Variants in AKAP13 observed in about 807,000 individuals in gnomAD.
AKAP13 encodes A-kinase anchoring protein 13.
In AKAP13, 80 loss-of-function variants were observed where a neutral mutation model predicts 264.5. That is an observed-to-expected ratio of 0.30 (90% confidence interval 0.25 to 0.36). The LOEUF is 0.36. Ranked by LOEUF, AKAP13 falls within the 10% of genes least tolerant of loss-of-function variation. The pLI, the probability that AKAP13 is intolerant of heterozygous loss-of-function variation, is 1.00. For missense variants in AKAP13, 3,712 were observed against 3,435.2 expected, an observed-to-expected ratio of 1.08 and a Z score of -2.01; for synonymous variants, 1,380 against 1,250.2, an observed-to-expected ratio of 1.10 and a Z score of -2.19.
Position 85,684,882 on chromosome 15 carries a change from C to G in AKAP13, c.5289+9C>G. 7 of 1,613,110 alleles carry G rather than the reference C, an allele frequency of 4.3e-6. No homozygotes were observed. The highest frequency in any genetic ancestry group is 5.9e-6 in the Non-Finnish European group (7 of 1,179,674). On this transcript the variant is annotated intron_variant, in intron 16 of 36. Coordinates refer to ENST00000394518, the MANE Select transcript of AKAP13 (RefSeq NM_007200.5). ...GCAGCAAGAAGAGCAAAGTGAGTATCACTGTGGGCATTGCTTGTGATCACC... is the reference window on the plus strand; with the variant it reads ...GCAGCAAGAAGAGCAAAGTGAGTATGACTGTGGGCATTGCTTGTGATCACC...
intron 9 of AKAP13, 127 bp downstream of exon 9, chr15:85,639,576 G>C: frequency 1.4e-6 from 1 of 703,064 alleles, no homozygotes. Flanking sequence ...ATGTGATCTG[G>C]GTTTGTAGGC....
chr15:85,531,948 A>G (rs915420088), intron 3 of AKAP13, among the ~76,000 whole-genome samples: 2 of 152,248 alleles, frequency 1.3e-5, no homozygotes, highest in Non-Finnish European at 2.9e-5. Flanking sequence ...AATGTGATAC[A>G]AAACCCTTGC....
At chr15:85,661,025 C>T (rs1308940217) in intron 12 of AKAP13, among the ~76,000 whole-genome samples, 3 of 152,150 alleles carry the variant, frequency 2.0e-5, no homozygotes, top group East Asian at 1.9e-4. Flanking sequence ...TGGAGGGAGC[C>T]GAGTGGTTTT....
At chr15:85,537,275 A>C (rs2077433519) in intron 4 of AKAP13, among the ~76,000 whole-genome samples, 1 of 152,166 alleles carries the variant, frequency 6.6e-6, no homozygotes, top group South Asian at 2.1e-4. Flanking sequence ...AAATACTTTT[A>C]AATAGGTATT....
At chr15:85,507,396 A>AAAC (rs1819806090) in intron 2 of AKAP13, among the ~76,000 whole-genome samples, 1 of 152,026 alleles carries the variant, frequency 6.6e-6, no homozygotes, top group Non-Finnish European at 1.5e-5. Context: ...AAAAAAAAAA[A>AAAC]ACATAAGAAA....
chr15:85,470,529 T>A (rs1220277855), intron 1 of AKAP13, among the ~76,000 whole-genome samples: 2 of 152,244 alleles, frequency 1.3e-5, no homozygotes, highest in Non-Finnish European at 2.9e-5. Flanking sequence ...AGGAATAATC[T>A]GACACCTAGA....
At chr15:85,460,275 G>A (rs2074456671) in intron 1 of AKAP13, among the ~76,000 whole-genome samples, 1 of 152,130 alleles carries the variant, frequency 6.6e-6, no homozygotes, top group South Asian at 2.1e-4. Flanking sequence ...TGACTATTGT[G>A]TGCAATTTTA....
rs369008646 is a variant in AKAP13 at position 85,606,090 on chromosome 15, C to CTTTTTTTTTTTTTTTTTTTTTTTTTTT, written c.4161+20293_4161+20294insTTTTTTTTTTTTTTTTTTTTTTTTTTT. On this transcript the variant is annotated intron_variant, in intron 8 of 36. Transcript: ENST00000394518. ...AGATTTTCTGCACTGGTTTGATCTA[C>CTTTTTTTTTTTTTTTTTTTTTTTTTTT]TTTTTTTTTTTTTTTTTTTTTTTTT... 3.3e-4 allele frequency among the ~76,000 whole-genome samples: 29 copies of CTTTTTTTTTTTTTTTTTTTTTTTTTTT among 88,364 alleles called. 3 individuals carry two copies. Among genetic ancestry groups the CTTTTTTTTTTTTTTTTTTTTTTTTTTT allele is most frequent in the Non-Finnish European group, 5.0e-4 (24 of 47,646 alleles). The allele number at this position is 88,364 out of a possible 152,430, so 58.0% of individuals were successfully genotyped here. A position where few individuals can be genotyped will look rare whatever the true frequency, so the allele number is the denominator to read the frequency against.
At chr15:85,479,719 G>A (rs1368057942) in intron 1 of AKAP13, among the ~76,000 whole-genome samples, 3 of 152,126 alleles carry the variant, frequency 2.0e-5, no homozygotes, top group Middle Eastern at 3.2e-3. Flanking sequence ...GTACAGAAGG[G>A]TTTCCAGTTT....
chr15:85,479,125 T>C, intron 1 of AKAP13, among the ~76,000 whole-genome samples: 1 of 152,238 alleles, frequency 6.6e-6, no homozygotes, highest in East Asian at 1.9e-4. Flanking sequence ...TTTTACTTTT[T>C]TGATAGAACT....
At chr15:85,406,479 T>C (rs2071672142) in intron 1 of AKAP13, among the ~76,000 whole-genome samples, 2 of 148,942 alleles carry the variant, frequency 1.3e-5, no homozygotes, top group South Asian at 4.2e-4. Flanking sequence ...TATACCATAT[T>C]GCTCGTTGCT....
At chr15:85,494,005 G>A (rs1423785253) in intron 2 of AKAP13, among the ~76,000 whole-genome samples, 2 of 152,156 alleles carry the variant, frequency 1.3e-5, no homozygotes, top group East Asian at 1.9e-4. Flanking sequence ...GGTACACCTT[G>A]CGCAGAACAA....
At chr15:85,384,399 A>G (rs1203880421) in intron 1 of AKAP13, among the ~76,000 whole-genome samples, 3 of 152,144 alleles carry the variant, frequency 2.0e-5, no homozygotes, top group African/African-American at 7.2e-5. Flanking sequence ...ATGGGGAGAG[A>G]CGAGAAAGCT....
chr15:85,529,217 C>T (rs771090463), intron 3 of AKAP13, among the ~76,000 whole-genome samples: 2 of 152,004 alleles, frequency 1.3e-5, no homozygotes, highest in East Asian at 1.9e-4. Context: ...GTCAGGAGGT[C>T]GAGACCATCC....
At chr15:85,428,999 T>TA (rs1483032088) in intron 1 of AKAP13, among the ~76,000 whole-genome samples, 1 of 152,216 alleles carries the variant, frequency 6.6e-6, no homozygotes, top group Admixed American at 6.5e-5. Flanking sequence ...TTACCCCACT[T>TA]ACAGATGAAG....
chr15:85,502,281 T>G (rs1371572804), intron 2 of AKAP13, among the ~76,000 whole-genome samples: 1 of 152,236 alleles, frequency 6.6e-6, no homozygotes, highest in Non-Finnish European at 1.5e-5. Flanking sequence ...TAGGGTAGTA[T>G]GTATATTACA....
chr15:85,475,518 A>G (rs932123301), intron 1 of AKAP13, among the ~76,000 whole-genome samples: 3 of 152,198 alleles, frequency 2.0e-5, no homozygotes, highest in Middle Eastern at 3.2e-3. Context: ...CTCTTTCCAG[A>G]GGTACCAACC....
chr15:85,447,026 T>C lies in AKAP13; in HGVS notation c.-11-38684T>C, dbSNP rs189827726. ...GCTCACACCTGTAATCCCGGCACTT[T>C]GGGAGGCCGAGGCCAGGAGATCACA... On this transcript the variant is annotated intron_variant, in intron 1 of 36. Coordinates refer to ENST00000394518, the MANE Select transcript of AKAP13 (RefSeq NM_007200.5). 3.5e-3 allele frequency among the ~76,000 whole-genome samples: 526 copies of C among 152,308 alleles called. 1 individual carries two copies. Among genetic ancestry groups the C allele is most frequent in the Non-Finnish European group, 5.4e-3 (365 of 68,032 alleles).
intron 1 of AKAP13, among the ~76,000 whole-genome samples, chr15:85,448,449 G>A (rs916745205): frequency 2.0e-5 from 3 of 152,004 alleles, no homozygotes; most frequent in African/African-American, 7.3e-5. Flanking sequence ...CCGTTCCTAA[G>A]TCCAGGATGA....
Sources: allele counts gnomAD v4.1 joint callset (sites outside exome capture counted in the v4.1 genomes callset), GRCh38; gene constraint gnomAD v4.1.1; transcripts MANE v1.5; gene names NCBI Gene and HGNC (gene_info 2026-07-23, HGNC 2026-07-21).